CDYL: variants seen among roughly 807,000 people sequenced by gnomAD.
CDYL encodes the protein chromodomain Y like.
CDYL carries 8 observed loss-of-function variants against 47.3 expected under a neutral mutation model. The observed-to-expected ratio is 0.17, with a 90% confidence interval of 0.10 to 0.31. CDYL has a LOEUF of 0.31. CDYL is among the 10% of genes least tolerant of loss of function. The probability of loss-of-function intolerance (pLI) is 1.00; values close to 1 mark genes in which losing one functional copy is unlikely to be tolerated. For synonymous variants in CDYL, 266 were observed against 265.0 expected, an observed-to-expected ratio of 1.00 and a Z score of -0.04; for missense variants, 471 against 701.4, an observed-to-expected ratio of 0.67 and a Z score of 3.71.
intron 2 of CDYL, among the ~76,000 whole-genome samples, chr6:4,724,180 A>C (rs1302257881): frequency 6.6e-6 from 1 of 152,028 alleles, no homozygotes; most frequent in Non-Finnish European, 1.5e-5. Flanking sequence ...AGCTGGGACC[A>C]CAGGCATGTG....
At chr6:4,795,108 T>A (rs1418357082) in intron 1 of CDYL, among the ~76,000 whole-genome samples, 2 of 152,158 alleles carry the variant, frequency 1.3e-5, no homozygotes. Context: ...CTGTAAAATT[T>A]TACTATTAAA....
At chr6:4,838,608 A>C (rs1170745996) in intron 1 of CDYL, among the ~76,000 whole-genome samples, 3 of 152,128 alleles carry the variant, frequency 2.0e-5, no homozygotes, top group African/African-American at 7.2e-5. Context: ...ACGTGTGTGC[A>C]AGTGTCTTTT....
At chr6:4,912,996 C>G (rs963666866) in intron 2 of CDYL, among the ~76,000 whole-genome samples, 3 of 152,228 alleles carry the variant, frequency 2.0e-5, no homozygotes, top group Non-Finnish European at 4.4e-5. Context: ...GCTGACTGCT[C>G]TGAGGAGAGT....
At chr6:4,900,819 ATATATATATATCT>A (rs1433215888) in intron 2 of CDYL, among the ~76,000 whole-genome samples, 15 of 85,108 alleles carry the variant, frequency 1.8e-4, no homozygotes, top group African/African-American at 5.7e-4. Flanking sequence ...ATATATATAT[ATATATATATATCT>A]TGCCTGTTTT....
At chr6:4,948,159 AT>A (rs1057488840) in intron 5 of CDYL, among the ~76,000 whole-genome samples, 3 of 152,008 alleles carry the variant, frequency 2.0e-5, no homozygotes, top group African/African-American at 7.3e-5. Context: ...CGTGAATCTC[AT>A]TTTGAGTTAT....
intron 2 of CDYL, among the ~76,000 whole-genome samples, chr6:4,926,561 A>G (rs1177237891): frequency 6.6e-6 from 1 of 152,226 alleles, no homozygotes; most frequent in Non-Finnish European, 1.5e-5. Context: ...ATACCAGTTA[A>G]TCTTTAGCTA....
intron 2 of CDYL, among the ~76,000 whole-genome samples, chr6:4,924,566 C>G (rs1382197431): frequency 2.6e-5 from 4 of 152,180 alleles, no homozygotes; most frequent in Non-Finnish European, 4.4e-5. Context: ...GTAAGCATTT[C>G]CATCCTCACT....
At chr6:4,799,662 C>G (rs1194900063) in intron 1 of CDYL, among the ~76,000 whole-genome samples, 2 of 152,160 alleles carry the variant, frequency 1.3e-5, no homozygotes, top group Non-Finnish European at 2.9e-5. Flanking sequence ...TCTTGAACTC[C>G]TGAGCTAGGC....
At chr6:4,808,088 G>A (rs1016001699) in intron 1 of CDYL, among the ~76,000 whole-genome samples, 1 of 152,140 alleles carries the variant, frequency 6.6e-6, no homozygotes, top group Non-Finnish European at 1.5e-5. Context: ...CACTCAGGGT[G>A]CATCTTGAAT....
intron 1 of CDYL, among the ~76,000 whole-genome samples, chr6:4,815,096 A>G (rs1009723383): frequency 2.6e-5 from 4 of 152,084 alleles, no homozygotes; most frequent in African/African-American, 9.7e-5. Flanking sequence ...TTGAGCTTTA[A>G]TAGTACATGC....
chr6:4,902,298 C>T (rs908392862), intron 2 of CDYL, among the ~76,000 whole-genome samples: 4 of 150,816 alleles, frequency 2.7e-5, no homozygotes, highest in African/African-American at 9.7e-5. Flanking sequence ...CCCAGCTACT[C>T]GGGAGGCCAA....
intron 3 of CDYL, among the ~76,000 whole-genome samples, chr6:4,936,400 T>C (rs3804546): frequency 0.61 from 93,248 of 151,900 alleles, 29,038 homozygotes; most frequent in East Asian, 0.76. Flanking sequence ...CTAACCTATA[T>C]CTTTCCAAAA....
chr6:4,888,078 G>A (rs373132953), intron 1 of CDYL, among the ~76,000 whole-genome samples: 6 of 151,920 alleles, frequency 3.9e-5, no homozygotes, highest in South Asian at 2.1e-4. Context: ...TGTATATTGC[G>A]GAATTCAATT....
intron 3 of CDYL, among the ~76,000 whole-genome samples, chr6:4,759,599 T>A (rs1452349997): frequency 6.6e-6 from 1 of 151,872 alleles, no homozygotes. Flanking sequence ...ATTGTAGGAC[T>A]TGGTGGGTGC....
Position 4,836,341 on chromosome 6 carries a change from T to G in CDYL, c.25-55372T>G, listed in dbSNP as rs560632890. ...TTAATTATTTATTTTATACGTGTGC[T>G]TTCAGAATTCCAACCCCCTAGAGGA... On this transcript the variant is annotated intron_variant, in intron 1 of 6. Coordinates refer to ENST00000397588, the MANE Select transcript of CDYL (RefSeq NM_004824.4). 7 of 819,922 alleles carry G rather than the reference T, an allele frequency of 8.5e-6. No homozygotes were observed. The Admixed American group carries it at 4.4e-4, about 51-fold the overall frequency. 50.8% of individuals were successfully genotyped at this position (819,922 alleles called of 1,614,324 possible). A position where few individuals can be genotyped will look rare whatever the true frequency, so the allele number is the denominator to read the frequency against.
At chr6:4,900,783 A>G (rs2027420) in intron 2 of CDYL, among the ~76,000 whole-genome samples, 20,982 of 30,274 alleles carry the variant, frequency 0.69, 6,460 homozygotes, top group South Asian at 0.8. Flanking sequence ...ACGTGTGTAT[A>G]TATATATATA....
intron 1 of CDYL, among the ~76,000 whole-genome samples, chr6:4,858,085 A>G (rs985161662): frequency 7.1e-6 from 1 of 141,184 alleles, no homozygotes; most frequent in African/African-American, 2.7e-5. Flanking sequence ...CTTGCCCTTC[A>G]AAATTGTGCT....
intron 2 of CDYL, among the ~76,000 whole-genome samples, chr6:4,731,200 A>G (rs1757599380): frequency 6.6e-6 from 1 of 152,188 alleles, no homozygotes; most frequent in South Asian, 2.1e-4. Flanking sequence ...AGACCACTTA[A>G]CACCTTCAGC....
intron 2 of CDYL, among the ~76,000 whole-genome samples, chr6:4,896,434 T>G (rs748570294): frequency 1.3e-5 from 2 of 152,176 alleles, no homozygotes; most frequent in Admixed American, 6.5e-5. Context: ...CTGCAAGTAC[T>G]TGTGGATGGA....
Sources: allele counts gnomAD v4.1 joint callset (sites outside exome capture counted in the v4.1 genomes callset), GRCh38; gene constraint gnomAD v4.1.1; transcripts MANE v1.5; gene names NCBI Gene and HGNC (gene_info 2026-07-23, HGNC 2026-07-21).